Variants in NFIX observed in about 807,000 individuals in gnomAD.
NFIX encodes the protein nuclear factor 1 X-type.
Under a neutral mutation model 53.3 loss-of-function variants are expected in NFIX, and 2 were observed. The ratio of observed to expected loss-of-function variants is 0.04; its 90% CI spans 0.02 to 0.12. The LOEUF is 0.12. Ranked by LOEUF, NFIX falls within the 10% of genes least tolerant of loss-of-function variation. The pLI is 1.00. For synonymous variants in NFIX, 244 were observed against 289.0 expected (o/e 0.84, Z 1.58); for missense variants, 310 against 674.5 (o/e 0.46, Z 5.99).
Position 13,036,251 on chromosome 19 carries a change from G to A in NFIX, c.559+10699G>A, listed in dbSNP as rs890813721. ...CTTCGCCAACTGGCCTGGCGTGTCC[G>A]GGAGGCTTCCTTTCTTAAAATGGGG... is the stretch of plus-strand genomic sequence containing the variant. On this transcript the variant is annotated intron_variant, in intron 2 of 10. Coordinates refer to ENST00000592199, the MANE Select transcript of NFIX (RefSeq NM_001365902.3). The surrounding 1 kb of genome is among the most constrained non-coding windows in gnomAD (Gnocchi z 4.7). Among the ~76,000 whole-genome samples the A allele has an allele frequency of 5.9e-5, 9 of 152,206 alleles. No homozygotes were observed. Among genetic ancestry groups the A allele is most frequent in the Admixed American group, 3.9e-4 (6 of 15,286 alleles).
In NFIX at chr19:12,996,403, G is replaced by C. The variant is rs1432628702; in HGVS notation, c.27+539G>C. ...GTGCGTGGCGGCGGCCCTTGCGTGC[G>C]GCCGGGGTGCCTGGGGTGGGCCGAG... On this transcript the variant is annotated intron_variant, in intron 1 of 10. Transcript: ENST00000592199. The surrounding 1 kb of genome is among the most constrained non-coding windows in gnomAD (Gnocchi z 5.2). Among the ~76,000 whole-genome samples the C allele has an allele frequency of 6.6e-6, 1 of 152,072 alleles. No individual in the cohort carries two copies. The highest frequency in any genetic ancestry group is 1.5e-5 in the Non-Finnish European group (1 of 67,976).
intron 2 of NFIX, among the ~76,000 whole-genome samples, chr19:13,061,769 A>G (rs990217924): frequency 6.6e-6 from 1 of 152,144 alleles, no homozygotes; most frequent in Non-Finnish European, 1.5e-5. Flanking sequence ...GGTACTTTAT[A>G]GTATATAAAA....
At chr19:13,053,429 A>G (rs1206365114) in intron 2 of NFIX, among the ~76,000 whole-genome samples, 6 of 152,178 alleles carry the variant, frequency 3.9e-5, no homozygotes, top group African/African-American at 1.4e-4. Context: ...GGAAACTGCA[A>G]CTGCAGAGGG....
chr19:13,075,901 G>A (rs1314804237), intron 6 of NFIX, among the ~76,000 whole-genome samples: 1 of 152,194 alleles, frequency 6.6e-6, no homozygotes, highest in African/African-American at 2.4e-5. Flanking sequence ...CCCGTGGTAT[G>A]GCGGTGGGAA....
chr19:13,086,694 G>A (rs2017798570), intron 8 of NFIX, among the ~76,000 whole-genome samples: 1 of 152,164 alleles, frequency 6.6e-6, no homozygotes, highest in African/African-American at 2.4e-5. Context: ...ATTACCCCTG[G>A]GTGAGAACTG....
rs146533372 is a variant in NFIX at position 13,052,708 on chromosome 19, G to C, written c.560-20339G>C. 6.6e-6 allele frequency among the ~76,000 whole-genome samples: 1 copy of C among 151,988 alleles called. No individual in the cohort carries two copies. Among genetic ancestry groups the C allele is most frequent in the African/African-American group, 2.4e-5 (1 of 41,312 alleles). On this transcript the variant is annotated intron_variant, in intron 2 of 10. Transcript: ENST00000592199. This position sits in a 1 kb window ranked among gnomAD's most constrained non-coding sequence, Gnocchi z 5.2. ...CGATTCCATATACTGTGCTCATCTCGACCCAGTTGAGGCTGTGCTTCTGTG... is the reference window on the plus strand; with the variant it reads ...CGATTCCATATACTGTGCTCATCTCCACCCAGTTGAGGCTGTGCTTCTGTG...
At chr19:13,026,683 A>G (rs2013378271) in intron 2 of NFIX, among the ~76,000 whole-genome samples, 1 of 152,044 alleles carries the variant, frequency 6.6e-6, no homozygotes. Flanking sequence ...GTGTGTTTAC[A>G]TTATGCCCAA....
intron 2 of NFIX, among the ~76,000 whole-genome samples, chr19:13,053,871 C>A (rs1393082389): frequency 6.6e-6 from 1 of 152,098 alleles, no homozygotes; most frequent in Non-Finnish European, 1.5e-5. Context: ...GTACAGGGAT[C>A]ACTGCCCTCC....
In NFIX at chr19:13,049,919, T is replaced by C. The variant is rs2015224647; in HGVS notation, c.560-23128T>C. Among the ~76,000 whole-genome samples, 1 of 152,262 alleles carries C rather than the reference T, an allele frequency of 6.6e-6. No homozygotes were observed. Among genetic ancestry groups the C allele is most frequent in the Non-Finnish European group, 1.5e-5 (1 of 68,054 alleles). The stretch of plus-strand genomic sequence containing the variant: ...TTCCTTTTTAAGGCCAAATAATATT[T>C]AATTGTATGGCTGTGCCACATTTTG... On this transcript the variant is annotated intron_variant, in intron 2 of 10. Coordinates refer to ENST00000592199, the MANE Select transcript of NFIX (RefSeq NM_001365902.3). This position sits in a 1 kb window ranked among gnomAD's most constrained non-coding sequence, Gnocchi z 4.5.
At chr19:13,004,724 C>A (rs118041580) in intron 1 of NFIX, among the ~76,000 whole-genome samples, 1 of 152,092 alleles carries the variant, frequency 6.6e-6, no homozygotes, top group Non-Finnish European at 1.5e-5. Context: ...CTGCCCAGGA[C>A]ACTCGCAGTC....
intron 2 of NFIX, among the ~76,000 whole-genome samples, chr19:13,054,672 C>G (rs2015538802): frequency 6.6e-6 from 1 of 152,114 alleles, no homozygotes; most frequent in Non-Finnish European, 1.5e-5. Flanking sequence ...CCCAGCCCCT[C>G]CTGGCATCCA....
intron 1 of NFIX, among the ~76,000 whole-genome samples, chr19:13,016,953 T>C (rs1333315002): frequency 2.0e-5 from 3 of 152,142 alleles, no homozygotes; most frequent in Non-Finnish European, 4.4e-5. Context: ...GCCTCTTTTT[T>C]TTTTCCTCCA....
At chr19:13,074,066 C>T (rs1368852167) in intron 5 of NFIX, 40 bp downstream of exon 5, 1 of 1,611,032 alleles carries the variant, frequency 6.2e-7, no homozygotes, top group South Asian at 1.1e-5. Context: ...TCTCTCCACT[C>T]CCCCCAGGGC....
intron 2 of NFIX, among the ~76,000 whole-genome samples, chr19:13,046,754 G>A (rs776127833): frequency 1.2e-4 from 19 of 152,172 alleles, no homozygotes; most frequent in Non-Finnish European, 2.4e-4. Flanking sequence ...ATGTCTCCAA[G>A]CATGTGAATG....
intron 2 of NFIX, among the ~76,000 whole-genome samples, chr19:13,050,684 C>A (rs2015273196): frequency 6.6e-6 from 1 of 152,164 alleles, no homozygotes; most frequent in African/African-American, 2.4e-5. Flanking sequence ...GTGTACCTCC[C>A]ATTACTCTCT....
In NFIX at chr19:13,001,455, G is replaced by C. The variant is rs1466837005; in HGVS notation, c.27+5591G>C. ...GTGCCGGATGTAGTCTCTGTGTCAC[G>C]GTGGCGCTGCGCACGTCAACGGGTA... On this transcript the variant is annotated intron_variant, in intron 1 of 10. Coordinates refer to ENST00000592199, the MANE Select transcript of NFIX (RefSeq NM_001365902.3). This position sits in a 1 kb window ranked among gnomAD's most constrained non-coding sequence, Gnocchi z 6.5. Among the ~76,000 whole-genome samples the C allele has an allele frequency of 6.6e-6, 1 of 152,076 alleles. No homozygotes were observed. The highest frequency in any genetic ancestry group is 1.5e-5 in the Non-Finnish European group (1 of 68,016).
chr19:13,009,205 C>A lies in NFIX; in HGVS notation c.27+13341C>A, dbSNP rs1262774252. On this transcript the variant is annotated intron_variant, in intron 1 of 10. Coordinates refer to ENST00000592199, the MANE Select transcript of NFIX (RefSeq NM_001365902.3). The surrounding 1 kb of genome is among the most constrained non-coding windows in gnomAD (Gnocchi z 4.7). ...CACAGCGGCACAGTCGCACACACAG[C>A]CAGCCTCACGCGATCACACCAAGCG... Among the ~76,000 whole-genome samples the A allele has an allele frequency of 6.6e-6, 1 of 152,142 alleles. No individual in the cohort carries two copies. Among genetic ancestry groups the A allele is most frequent in the Non-Finnish European group, 1.5e-5 (1 of 68,022 alleles).
chr19:13,073,338 G>T lies in NFIX; in HGVS notation c.623-84G>T. 1 of 1,223,120 alleles carries T rather than the reference G, an allele frequency of 8.2e-7. No individual in the cohort carries two copies. 75.8% of individuals were successfully genotyped at this position (1,223,120 alleles called of 1,614,324 possible). A position where few individuals can be genotyped will look rare whatever the true frequency, so the allele number is the denominator to read the frequency against. ...TGGAAACGGGACTTGGGAGGGAGAA[G>T]CAACAGTGTGGAAGACCTTTGGAAA... On this transcript the variant is annotated intron_variant, in intron 3 of 10. Coordinates refer to ENST00000592199, the MANE Select transcript of NFIX (RefSeq NM_001365902.3). The surrounding 1 kb of genome is among the most constrained non-coding windows in gnomAD (Gnocchi z 4.5).
At position 13,068,510 on chromosome 19, in the gene NFIX, A is replaced by G. The variant is rs1373792354; in HGVS notation, c.560-4537A>G. ...TCCAGAGGTTACTGAGGGGCCCCCA[A>G]GGAAGAGAGGGGCCCAGAGTGGCCA... On this transcript the variant is annotated intron_variant, in intron 2 of 10. Transcript: ENST00000592199. This position sits in a 1 kb window ranked among gnomAD's most constrained non-coding sequence, Gnocchi z 4.2. 1.3e-5 allele frequency among the ~76,000 whole-genome samples: 2 copies of G among 152,216 alleles called. No homozygotes were observed. The highest frequency in any genetic ancestry group is 2.9e-5 in the Non-Finnish European group (2 of 68,030).
Sources: allele counts gnomAD v4.1 joint callset (sites outside exome capture counted in the v4.1 genomes callset), GRCh38; gene constraint gnomAD v4.1.1; non-coding constraint Gnocchi (gnomAD v3.1); transcripts MANE v1.5; gene names NCBI Gene and HGNC (gene_info 2026-07-23, HGNC 2026-07-21).